Variants in VEZT observed in about 807,000 individuals in gnomAD.
The protein encoded by VEZT is vezatin.
VEZT carries 39 observed loss-of-function variants against 79.9 expected under a neutral mutation model. The observed-to-expected ratio is 0.49, with a 90% CI of 0.38 to 0.64. The LOEUF is 0.64. VEZT is among the 30% of genes least tolerant of loss of function. VEZT has a pLI of 0.00. For missense variants in VEZT, 837 were observed against 893.1 expected, an observed-to-expected ratio of 0.94 and a Z score of 0.80; for synonymous variants, 325 against 327.6, an observed-to-expected ratio of 0.99 and a Z score of 0.09.
chr12:95,248,474 T>TA (rs1447642268), intron 1 of VEZT, among the ~76,000 whole-genome samples: 5 of 152,206 alleles, frequency 3.3e-5, no homozygotes, highest in Non-Finnish European at 7.3e-5. Flanking sequence ...TATCATTTTT[T>TA]AAAAAACAAT....
chr12:95,270,522 C>T (rs965801080), intron 6 of VEZT, among the ~76,000 whole-genome samples: 5 of 152,178 alleles, frequency 3.3e-5, no homozygotes, highest in Admixed American at 6.5e-5. Context: ...AGATTTGCAT[C>T]ATGGCATGTT....
chr12:95,260,792 A>G (rs2064307453), intron 3 of VEZT, among the ~76,000 whole-genome samples: 1 of 152,204 alleles, frequency 6.6e-6, no homozygotes, highest in Admixed American at 6.5e-5. Context: ...ATTACTCAAA[A>G]AGCTACCATG....
chr12:95,267,495 T>C (rs1030814276), intron 5 of VEZT, among the ~76,000 whole-genome samples: 9 of 152,182 alleles, frequency 5.9e-5, no homozygotes, highest in African/African-American at 2.2e-4. Context: ...TAATTAGTCG[T>C]ATCTAGAAAA....
At chr12:95,277,609 A>C (rs1015207233) in intron 7 of VEZT, among the ~76,000 whole-genome samples, 2 of 152,222 alleles carry the variant, frequency 1.3e-5, no homozygotes, top group African/African-American at 4.8e-5. Context: ...TTCAAAGTAC[A>C]ATTTAAGAGA....
chr12:95,283,225 A>G (rs1328520743), intron 8 of VEZT, among the ~76,000 whole-genome samples: 1 of 152,192 alleles, frequency 6.6e-6, no homozygotes, highest in East Asian at 1.9e-4. Context: ...TTAATTCCTA[A>G]ATTTTTATGT....
At chr12:95,271,970 C>G (rs2066697232) in intron 6 of VEZT, among the ~76,000 whole-genome samples, 1 of 152,096 alleles carries the variant, frequency 6.6e-6, no homozygotes, top group South Asian at 2.1e-4. Flanking sequence ...AGTTTGAGAC[C>G]AGCCTGGGCA....
chr12:95,235,627 C>T (rs1361248476), intron 1 of VEZT, among the ~76,000 whole-genome samples: 1 of 144,246 alleles, frequency 6.9e-6, no homozygotes, highest in Non-Finnish European at 1.5e-5. Context: ...CGGGCAGAGG[C>T]ACCCCTCACC....
intron 6 of VEZT, among the ~76,000 whole-genome samples, chr12:95,270,626 C>T (rs2066403360): frequency 6.6e-6 from 1 of 152,204 alleles, no homozygotes; most frequent in East Asian, 1.9e-4. Context: ...TCAGTTACTT[C>T]CTAAGTGACT....
intron 1 of VEZT, among the ~76,000 whole-genome samples, chr12:95,228,497 A>G (rs1159449904): frequency 6.6e-6 from 1 of 152,070 alleles, no homozygotes; most frequent in Admixed American, 6.5e-5. Flanking sequence ...AATTTAAGGT[A>G]TTATTATATC....
At chr12:95,287,380 C>T (rs2071235493) in intron 8 of VEZT, among the ~76,000 whole-genome samples, 2 of 151,794 alleles carry the variant, frequency 1.3e-5, no homozygotes, top group Admixed American at 6.6e-5. Flanking sequence ...AGTGCAGTGG[C>T]GCTATTGTGG....
chr12:95,221,625 T>G (rs928892871), intron 1 of VEZT, among the ~76,000 whole-genome samples: 4 of 151,794 alleles, frequency 2.6e-5, no homozygotes, highest in Non-Finnish European at 1.5e-5. Context: ...GGAATATTGC[T>G]TGAAGCCAGG....
chr12:95,296,415 T>A (rs2074146689), intron 11 of VEZT, 157 bp downstream of exon 11: 2 of 537,670 alleles, frequency 3.7e-6, no homozygotes, highest in Non-Finnish European at 6.1e-6. Context: ...TCAATTTGAT[T>A]AATAAAAGAG....
chr12:95,228,905 G>C (rs1467072678), intron 1 of VEZT, among the ~76,000 whole-genome samples: 2 of 152,160 alleles, frequency 1.3e-5, no homozygotes, highest in South Asian at 2.1e-4. Context: ...TCGGGGCTGA[G>C]GTGGGAGGAT....
chr12:95,225,511 C>G (rs866731406), intron 1 of VEZT, among the ~76,000 whole-genome samples: 4 of 152,016 alleles, frequency 2.6e-5, no homozygotes, highest in African/African-American at 7.2e-5. Flanking sequence ...GAGCCAAGAT[C>G]GCGCCACTGC....
At chr12:95,243,189 C>G (rs1281408438) in intron 1 of VEZT, among the ~76,000 whole-genome samples, 2 of 151,910 alleles carry the variant, frequency 1.3e-5, no homozygotes. Flanking sequence ...GCCTGGGCAA[C>G]CTGGTGAAAC....
At chr12:95,272,247 G>A (rs1489753937) in intron 6 of VEZT, among the ~76,000 whole-genome samples, 4 of 152,088 alleles carry the variant, frequency 2.6e-5, no homozygotes, top group African/African-American at 9.7e-5. Context: ...AAAAAAAAAC[G>A]GGAATAGGAT....
At chr12:95,280,419 TCTC>T (rs967561827) in intron 7 of VEZT, among the ~76,000 whole-genome samples, 8 of 139,580 alleles carry the variant, frequency 5.7e-5, no homozygotes, top group Admixed American at 1.5e-4. Context: ...GCCAGCCCCT[TCTC>T]CTCTCTCCTT....
Position 95,217,859 on chromosome 12 carries a change from G to A in VEZT, c.9G>A (p.Pro3=). MT[P]EFDEEVVFEN... ...TGGCATGGCGGAGAAGGATGACACC[G>A]GAGTTTGACGAAGAGGTGGTTTTTG... The change falls in exon 1 of 12, where the codon CCG becomes CCA. Residue 3 remains proline, a synonymous_variant. Coordinates refer to ENST00000436874, the MANE Select transcript of VEZT (RefSeq NM_017599.4). 3.3e-6 allele frequency: 5 copies of A among 1,533,938 alleles called. No homozygotes were observed. Among genetic ancestry groups the A allele is most frequent in the Admixed American group, 2.3e-5 (1 of 43,738 alleles).
chr12:95,219,585 A>T (rs937686832), intron 1 of VEZT, among the ~76,000 whole-genome samples: 1 of 152,174 alleles, frequency 6.6e-6, no homozygotes, highest in Non-Finnish European at 1.5e-5. Flanking sequence ...TCATAATATA[A>T]CCTTTTTTTA....
Sources: gnomAD v4.1 joint callset for allele counts (sites outside exome capture counted in the v4.1 genomes callset) on GRCh38, gnomAD v4.1.1 for gene constraint, MANE v1.5 for transcripts, NCBI Gene and HGNC (gene_info 2026-07-23, HGNC 2026-07-21) for gene names.